The following LIX1L variants were observed in gnomAD, a reference collection of about 807,000 sequenced individuals.
LIX1L encodes limb and CNS expressed 1 like.
Under a neutral mutation model 34.0 loss-of-function variants are expected in LIX1L, and 20 were observed. That is an observed-to-expected ratio of 0.59 (90% confidence interval 0.41 to 0.85). The LOEUF (loss-of-function observed/expected upper bound fraction) is 0.85, where lower values mean the gene tolerates loss of function less well. Ranked by LOEUF, LIX1L falls within the 40% of genes least tolerant of loss-of-function variation. LIX1L has a pLI of 0.00. For synonymous variants in LIX1L, 170 were observed against 187.4 expected, an observed-to-expected ratio of 0.91 and a Z score of 0.76; for missense variants, 397 against 447.0, an observed-to-expected ratio of 0.89 and a Z score of 1.01.
chr1:145,957,555 A>G (rs1649519396), intron 1 of LIX1L, 81 bp downstream of exon 1: 2 of 1,365,746 alleles, frequency 1.5e-6, no homozygotes, highest in African/African-American at 1.5e-5. Flanking sequence ...GCTCCACGCC[A>G]GGAAAAGCGA....
Position 145,957,904 on chromosome 1 carries a change from C to T in LIX1L, c.24G>A (p.Arg8=). The T allele has an allele frequency of 6.7e-7, 1 of 1,489,478 alleles. No individual in the cohort carries two copies. Among genetic ancestry groups the T allele is most frequent in the Non-Finnish European group, 8.9e-7 (1 of 1,123,488 alleles). The allele number at this position is 1,489,478 out of a possible 1,614,324, so 92.3% of individuals were successfully genotyped here. Residue 8 remains arginine, a synonymous_variant, in exon 1 of 6, where the codon CGG becomes CGA. Transcript: ENST00000604000. METMRAQ[R]LQPGVGTSGR... ...CGCTGGTGCCCACACCAGGCTGCAG[C>T]CGCTGCGCTCGCATAGTCTCCATCC...
intron 2 of LIX1L, among the ~76,000 whole-genome samples, chr1:145,943,759 G>T (rs1489718885): frequency 2.0e-5 from 3 of 152,114 alleles, no homozygotes; most frequent in Non-Finnish European, 4.4e-5. Context: ...ACCAAGGCCG[G>T]GCTTGGTGGC....
intron 2 of LIX1L, among the ~76,000 whole-genome samples, chr1:145,945,146 C>T (rs1649053098): frequency 6.6e-6 from 1 of 151,522 alleles, no homozygotes; most frequent in East Asian, 1.9e-4. Flanking sequence ...GCCTGGCCAA[C>T]ATGGTGAAAT....
At chr1:145,939,805 CTGTT>C (rs1459672714) in intron 3 of LIX1L, 1 of 151,856 alleles carries the variant, frequency 6.6e-6, no homozygotes, top group South Asian at 2.1e-4. Flanking sequence ...ACCCAGATAA[CTGTT>C]TGTGTTTTTT....
At chr1:145,947,901 C>T in intron 1 of LIX1L, 119 bp from the exon 2 acceptor site, 2 of 795,768 alleles carry the variant, frequency 2.5e-6, no homozygotes, top group African/African-American at 3.4e-5. Flanking sequence ...TAGCTCCCTA[C>T]CTATCGCCAT....
At position 145,948,237 on chromosome 1, in the gene LIX1L, C is replaced by T. The variant is rs958930255; in HGVS notation, c.293-455G>A. Among the ~76,000 whole-genome samples, 8 of 152,118 alleles carry T rather than the reference C, an allele frequency of 5.3e-5. No individual in the cohort carries two copies. Among genetic ancestry groups the T allele is most frequent in the African/African-American group, 1.9e-4 (8 of 41,414 alleles). On this transcript the variant is annotated intron_variant, in intron 1 of 5. Coordinates refer to ENST00000604000, the MANE Select transcript of LIX1L (RefSeq NM_153713.3). The surrounding 1 kb of genome is among the most constrained non-coding windows in gnomAD (Gnocchi z 4.0). Reference sequence around the variant, plus strand: ...CTAACATGTATTGAACTGTATGTCACCCATTTCTGTAACTGCTTTACGTGT... The same window carrying T: ...CTAACATGTATTGAACTGTATGTCATCCATTTCTGTAACTGCTTTACGTGT...
intron 4 of LIX1L, 39 bp downstream of exon 4, chr1:145,937,565 C>T (rs1265471525): frequency 8.0e-7 from 1 of 1,255,380 alleles, no homozygotes; most frequent in African/African-American, 1.5e-5. Flanking sequence ...AGCAGGCTGA[C>T]CCATGTTATT....
rs1197791447 is a variant in LIX1L, at chr1:145,933,725, GTT to G, written c.*2583_*2584del. On this transcript the variant is annotated 3_prime_UTR_variant, in exon 6 of 6. Transcript: ENST00000604000. ...ACAGACACACCTGGTGTGTCTAGCT[GTT>G]TTTGCCTTTACTCCAACCCGACGTG... 1.3e-5 allele frequency: 2 copies of G among 151,958 alleles called. No individual in the cohort carries two copies. The highest frequency in any genetic ancestry group is 2.4e-5 in the African/African-American group (1 of 41,332). 9.4% of individuals were successfully genotyped at this position (151,958 alleles called of 1,614,324 possible). A position where few individuals can be genotyped will look rare whatever the true frequency, so the allele number is the denominator to read the frequency against.
In LIX1L at chr1:145,936,299, T is replaced by C. The variant is rs782382419; in HGVS notation, c.*11A>G. On this transcript the variant is annotated 3_prime_UTR_variant, in exon 6 of 6. Coordinates refer to ENST00000604000, the MANE Select transcript of LIX1L (RefSeq NM_153713.3). ...GCTGTGGAAAGCCTGGGGAGTTATG[T>C]GGGTGGATGCCTAGCAGTTGGAAGA... is the stretch of plus-strand genomic sequence containing the variant. 1 of 1,613,206 alleles carries C rather than the reference T, an allele frequency of 6.2e-7. No individual in the cohort carries two copies. The highest frequency in any genetic ancestry group is 8.5e-7 in the Non-Finnish European group (1 of 1,179,210).
chr1:145,937,845 A>C, intron 3 of LIX1L, 146 bp from the exon 4 acceptor site: 1 of 615,732 alleles, frequency 1.6e-6, no homozygotes, highest in Non-Finnish European at 3.0e-6. Context: ...TAAAGAGGTA[A>C]GTCCAGGTGC....
intron 3 of LIX1L, among the ~76,000 whole-genome samples, chr1:145,937,943 C>G (rs1648727132): frequency 1.3e-5 from 2 of 152,076 alleles, no homozygotes; most frequent in South Asian, 4.1e-4. Context: ...GCCTGGCCAA[C>G]ATGGTGAAAC....
At chr1:145,946,157 G>T (rs1379381124) in intron 2 of LIX1L, among the ~76,000 whole-genome samples, 3 of 149,832 alleles carry the variant, frequency 2.0e-5, no homozygotes, top group Non-Finnish European at 4.4e-5. Flanking sequence ...ATAAACATTT[G>T]TCATCTTGGG....
At chr1:145,952,692 A>C (rs1159957039) in intron 1 of LIX1L, among the ~76,000 whole-genome samples, 1 of 151,994 alleles carries the variant, frequency 6.6e-6, no homozygotes, top group Non-Finnish European at 1.5e-5. Flanking sequence ...GCTCACGGCA[A>C]CCTCCACCTC....
chr1:145,944,351 T>G (rs1649027788), intron 2 of LIX1L, among the ~76,000 whole-genome samples: 1 of 152,140 alleles, frequency 6.6e-6, no homozygotes, highest in African/African-American at 2.4e-5. Flanking sequence ...AGAGCACAAC[T>G]CTGTCTTAAA....
At position 145,934,836 on chromosome 1, in the gene LIX1L, C is replaced by G. The variant is rs1648572331; in HGVS notation, c.*1474G>C. On this transcript the variant is annotated 3_prime_UTR_variant, in exon 6 of 6. Coordinates refer to ENST00000604000, the MANE Select transcript of LIX1L (RefSeq NM_153713.3). ...CTAGCCTGGGCGACAGAGCAAGACT[C>G]CGTCTCAAAAACAAAAACAAAAACA... The G allele has an allele frequency of 6.6e-6, 1 of 151,328 alleles. No individual in the cohort carries two copies. The highest frequency in any genetic ancestry group is 2.4e-5 in the African/African-American group (1 of 40,992). The allele number at this position is 151,328 out of a possible 1,614,324, so 9.4% of individuals were successfully genotyped here.
At chr1:145,946,322 C>T (rs1268590366) in intron 2 of LIX1L, among the ~76,000 whole-genome samples, 1 of 151,714 alleles carries the variant, frequency 6.6e-6, no homozygotes, top group Non-Finnish European at 1.5e-5. Context: ...CCTCAGCCTC[C>T]TAAGTAGCTG....
chr1:145,949,148 T>C (rs1023998418), intron 1 of LIX1L: 7 of 152,196 alleles, frequency 4.6e-5, no homozygotes, highest in Admixed American at 2.0e-4. Context: ...AGACCTGACA[T>C]TGTATTCTAG....
Position 145,936,235 on chromosome 1 carries a change from A to G in LIX1L, c.*75T>C, listed in dbSNP as rs1177199331. ...TATAAAAATGAGAAAGTATGTACAA[A>G]AAATCATCCTAAATCTTAGAAAGGA... On this transcript the variant is annotated 3_prime_UTR_variant, in exon 6 of 6. Coordinates refer to ENST00000604000, the MANE Select transcript of LIX1L (RefSeq NM_153713.3). 6.6e-7 allele frequency: 1 copy of G among 1,511,718 alleles called. No homozygotes were observed. Among genetic ancestry groups the G allele is most frequent in the Admixed American group, 2.1e-5 (1 of 47,498 alleles). 93.6% of individuals were successfully genotyped at this position (1,511,718 alleles called of 1,614,324 possible). A position where few individuals can be genotyped will look rare whatever the true frequency, so the allele number is the denominator to read the frequency against.
At chr1:145,936,600 TATC>T in intron 5 of LIX1L, 48 bp from the exon 6 acceptor site, 1 of 1,607,512 alleles carries the variant, frequency 6.2e-7, no homozygotes, top group Non-Finnish European at 8.5e-7. Flanking sequence ...TAAAGGTTCA[TATC>T]ATACCACACT....
Sources: allele counts gnomAD v4.1 joint callset (sites outside exome capture counted in the v4.1 genomes callset), GRCh38; gene constraint gnomAD v4.1.1; non-coding constraint Gnocchi (gnomAD v3.1); transcripts MANE v1.5; gene names NCBI Gene and HGNC (gene_info 2026-07-23, HGNC 2026-07-21).